The following STK10 variants were observed in gnomAD, a reference collection of about 807,000 sequenced individuals.
STK10 encodes serine/threonine-protein kinase 10.
Under a neutral mutation model 113.8 loss-of-function variants are expected in STK10, and 78 were observed. That is an observed-to-expected ratio of 0.69 (90% CI 0.57 to 0.83). The LOEUF (loss-of-function observed/expected upper bound fraction) is 0.83, where lower values mean the gene tolerates loss of function less well. Ranked by LOEUF, STK10 falls within the 40% of genes least tolerant of loss-of-function variation. The probability of loss-of-function intolerance (pLI) is 0.00; values close to 1 mark genes in which losing one functional copy is unlikely to be tolerated. For missense variants in STK10, 1,109 were observed against 1,280.1 expected (o/e 0.87, Z 2.04); for synonymous variants, 465 against 494.7 (o/e 0.94, Z 0.80).
At position 172,150,315 on chromosome 5, in the gene STK10, T is replaced by C. The variant is rs572441087; in HGVS notation, c.321+6309A>G. ...GGCCAACATGGCGAAACCCCGTCTC[T>C]ACTAAAAATACAAAAATTAGCCGGG... On this transcript the variant is annotated intron_variant, in intron 2 of 18. Transcript: ENST00000176763. Among the ~76,000 whole-genome samples the C allele has an allele frequency of 9.9e-5, 15 of 151,476 alleles. No homozygotes were observed. The South Asian group carries it at 2.3e-3, about 23-fold the overall frequency.
chr5:172,062,804 C>T (rs953124984), intron 13 of STK10, among the ~76,000 whole-genome samples: 1 of 152,204 alleles, frequency 6.6e-6, no homozygotes, highest in Admixed American at 6.5e-5. Flanking sequence ...CAAGAGAGTT[C>T]TGGAGATAGA....
chr5:172,114,787 A>AT (rs889755328), intron 4 of STK10: 2 of 151,412 alleles, frequency 1.3e-5, no homozygotes, highest in African/African-American at 4.9e-5. Context: ...CCGGCCGGTT[A>AT]TTTTTATTTT....
rs143931389 is a variant in STK10 at position 172,082,408 on chromosome 5, C to T, written c.1907G>A (p.Arg636Gln). Residue 636 changes from arginine (R) to glutamine (Q), a missense_variant, in exon 12 of 19, where the codon CGG becomes CAG. Arg to Gln is a conservative substitution (Grantham distance 43). Transcript: ENST00000176763. The surrounding 1 kb of genome is among the most constrained non-coding windows in gnomAD (Gnocchi z 4.3). ...CAGGCGGATCCGCCTGGCCTCCTCC[C>T]GGCGGCGCACGGCATGGTCTTGCTC... ...KMEQDHAVRRREEARRIRLEQ... is the reference protein window; with the variant it reads ...KMEQDHAVRRQEEARRIRLEQ... 28 of 1,611,426 alleles carry T rather than the reference C, an allele frequency of 1.7e-5. No individual in the cohort carries two copies. Among genetic ancestry groups the T allele is most frequent in the African/African-American group, 9.4e-5 (7 of 74,770 alleles).
intron 1 of STK10, among the ~76,000 whole-genome samples, chr5:172,186,063 C>T (rs529809916): frequency 6.6e-6 from 1 of 152,042 alleles, no homozygotes; most frequent in Non-Finnish European, 1.5e-5. Flanking sequence ...CAACTGAGGT[C>T]AGGAGTTCGA....
At chr5:172,071,771 A>AC (rs1768186687) in intron 12 of STK10, among the ~76,000 whole-genome samples, 1 of 151,916 alleles carries the variant, frequency 6.6e-6, no homozygotes, top group African/African-American at 2.4e-5. Flanking sequence ...CCCACTCTGA[A>AC]TTCTCTCTCT....
At chr5:172,112,696 G>A (rs1239706353) in intron 4 of STK10, among the ~76,000 whole-genome samples, 2 of 151,450 alleles carry the variant, frequency 1.3e-5, no homozygotes, top group African/African-American at 2.4e-5. Flanking sequence ...TGGGATTACA[G>A]GTGTGAGCCA....
At chr5:172,067,239 C>T (rs1768090028) in intron 12 of STK10, among the ~76,000 whole-genome samples, 1 of 152,152 alleles carries the variant, frequency 6.6e-6, no homozygotes, top group Non-Finnish European at 1.5e-5. Flanking sequence ...CACCTGTAGT[C>T]TCAGCTACTC....
chr5:172,180,939 C>G (rs1273592933), intron 1 of STK10, among the ~76,000 whole-genome samples: 1 of 152,222 alleles, frequency 6.6e-6, no homozygotes, highest in Non-Finnish European at 1.5e-5. Flanking sequence ...GGGAGTGATT[C>G]TGCTATAATG....
Position 172,083,137 on chromosome 5 carries a change from T to C in STK10, c.1686-53A>G, listed in dbSNP as rs868634255. On this transcript the variant is annotated intron_variant, in intron 10 of 18. Coordinates refer to ENST00000176763, the MANE Select transcript of STK10 (RefSeq NM_005990.4). ...CACAGTAAGAAACTGGCTTCAGAGA[T>C]CACAATATTTGCAACTTGGAACACT... 3.7e-6 allele frequency: 6 copies of C among 1,607,794 alleles called. No individual in the cohort carries two copies. In the Middle Eastern group the frequency reaches 9.9e-4, roughly 266 times the overall value.
At chr5:172,174,304 TG>T (rs1432295884) in intron 1 of STK10, among the ~76,000 whole-genome samples, 1 of 152,162 alleles carries the variant, frequency 6.6e-6, no homozygotes, top group Non-Finnish European at 1.5e-5. Flanking sequence ...CCTGAGTAGC[TG>T]GGATTACAGG....
At chr5:172,157,840 C>T (rs1278625586) in intron 1 of STK10, among the ~76,000 whole-genome samples, 1 of 150,554 alleles carries the variant, frequency 6.6e-6, no homozygotes, top group Non-Finnish European at 1.5e-5. Flanking sequence ...ATCCGCCCAT[C>T]TCGGCCTCCC....
At chr5:172,152,520 T>C (rs891547451) in intron 2 of STK10, among the ~76,000 whole-genome samples, 1 of 152,190 alleles carries the variant, frequency 6.6e-6, no homozygotes, top group African/African-American at 2.4e-5. Context: ...CTGGGAGTCA[T>C]CTAGAGCTTC....
chr5:172,052,292 G>A (rs1283097359), intron 18 of STK10, among the ~76,000 whole-genome samples: 1 of 152,162 alleles, frequency 6.6e-6, no homozygotes, highest in African/African-American at 2.4e-5. Flanking sequence ...CAAGGAAACA[G>A]GGACCTCAGA....
intron 2 of STK10, 149 bp downstream of exon 2, chr5:172,156,475 G>A (rs1770350087): frequency 5.9e-6 from 6 of 1,022,210 alleles, no homozygotes; most frequent in African/African-American, 3.2e-5. Flanking sequence ...TGGGTAAGTG[G>A]CCAGGAGCTC....
chr5:172,105,634 A>G (rs1490855300), intron 7 of STK10, 22 bp downstream of exon 7: 1 of 1,611,902 alleles, frequency 6.2e-7, no homozygotes, highest in Middle Eastern at 1.7e-4. Flanking sequence ...CAGGGAGCAG[A>G]GTGGGAGGGG....
At chr5:172,067,956 T>C (rs1436013398) in intron 12 of STK10, among the ~76,000 whole-genome samples, 4 of 152,122 alleles carry the variant, frequency 2.6e-5, no homozygotes, top group Admixed American at 6.5e-5. Flanking sequence ...AAATGTGACA[T>C]ATTAACACAG....
Position 172,082,535 on chromosome 5 carries a change from A to G in STK10, c.1810-30T>C, listed in dbSNP as rs938978936. 17 of 1,548,166 alleles carry G rather than the reference A, an allele frequency of 1.1e-5. No homozygotes were observed. The highest frequency in any genetic ancestry group is 1.4e-5 in the Non-Finnish European group (16 of 1,149,500). The stretch of plus-strand genomic sequence containing the variant: ...AAGGAGCAGAAATTCTGAGAAACTT[A>G]GCGAAGTCACTTTATACCTGGGAGG... On this transcript the variant is annotated intron_variant, in intron 11 of 18. Transcript: ENST00000176763. The surrounding 1 kb of genome is among the most constrained non-coding windows in gnomAD (Gnocchi z 4.3).
chr5:172,129,747 GAAA>G (rs1214372439), intron 2 of STK10, among the ~76,000 whole-genome samples: 4 of 151,710 alleles, frequency 2.6e-5, no homozygotes, highest in Admixed American at 2.6e-4. Flanking sequence ...CTAACTGCTA[GAAA>G]AAAAACAAGC....
At chr5:172,069,065 C>T (rs998706776) in intron 12 of STK10, among the ~76,000 whole-genome samples, 1 of 151,882 alleles carries the variant, frequency 6.6e-6, no homozygotes, top group Non-Finnish European at 1.5e-5. Flanking sequence ...CAAACACACA[C>T]ACACACATAA....
Sources: gnomAD v4.1 joint callset for allele counts (sites outside exome capture counted in the v4.1 genomes callset) on GRCh38, gnomAD v4.1.1 for gene constraint, Gnocchi (gnomAD v3.1) non-coding constraint, MANE v1.5 for transcripts, NCBI Gene and HGNC (gene_info 2026-07-23, HGNC 2026-07-21) for gene names.